MOBP: variants seen among roughly 807,000 people sequenced by gnomAD.
The protein encoded by MOBP is myelin associated oligodendrocyte basic protein, also known as myelin-associated oligodendrocyte basic protein.
In MOBP, 5 loss-of-function variants were observed where a neutral mutation model predicts 15.0. The observed-to-expected ratio is 0.33, with a 90% CI of 0.17 to 0.70. The LOEUF (loss-of-function observed/expected upper bound fraction) is 0.70. Among genes scored for constraint, MOBP ranks in the 30% least tolerant of loss-of-function variants. MOBP has a pLI of 0.67. For synonymous variants in MOBP, 88 were observed against 99.0 expected (o/e 0.89, Z 0.66); for missense variants, 188 against 257.8 (o/e 0.73, Z 1.85).
intron 2 of MOBP, among the ~76,000 whole-genome samples, chr3:39,484,316 G>C (rs1449511149): frequency 6.6e-6 from 1 of 152,228 alleles, no homozygotes; most frequent in African/African-American, 2.4e-5. Context: ...GTGAAGGACA[G>C]AGACCAAACC....
At chr3:39,520,598 G>C (rs1461012320), downstream of MOBP, among the ~76,000 whole-genome samples, 1 of 151,216 alleles carries the variant, frequency 6.6e-6, no homozygotes, top group Non-Finnish European at 1.5e-5. Context: ...GAGAGAGACA[G>C]AGAGAGAGAG....
intron 1 of MOBP, among the ~76,000 whole-genome samples, chr3:39,472,217 A>G (rs1476532542): frequency 6.6e-6 from 1 of 152,262 alleles, no homozygotes; most frequent in Non-Finnish European, 1.5e-5. Flanking sequence ...ATTAACAAAT[A>G]TAAAATATCC....
At chr3:39,476,655 ATG>A (rs1260858847) in intron 1 of MOBP, among the ~76,000 whole-genome samples, 2 of 152,036 alleles carry the variant, frequency 1.3e-5, no homozygotes, top group Non-Finnish European at 2.9e-5. Flanking sequence ...CAGTGTGGTT[ATG>A]TGATTCATTT....
chr3:39,478,128 C>G (rs1482770240), intron 1 of MOBP, among the ~76,000 whole-genome samples: 1 of 152,190 alleles, frequency 6.6e-6, no homozygotes, highest in Non-Finnish European at 1.5e-5. Context: ...TTCACATTTA[C>G]TCACCACTCA....
At chr3:39,469,082 G>GTATATACATATATACATATGTGTGTGTA (rs1559412045) in intron 1 of MOBP, among the ~76,000 whole-genome samples, 1 of 36,814 alleles carries the variant, frequency 2.7e-5, no homozygotes, top group African/African-American at 3.5e-4. Flanking sequence ...ATGTGTGTGT[G>GTATATACATATATACATATGTGTGTGTA]TATATACATA....
downstream of MOBP, chr3:39,517,681 G>A (rs762074005): frequency 6.6e-6 from 1 of 152,108 alleles, no homozygotes; most frequent in Admixed American, 6.5e-5. Context: ...GAGTTTAATT[G>A]ACTGGTATTT....
In MOBP at chr3:39,502,422, GAA is replaced by G. The variant is rs1294808215; in HGVS notation, c.207-112_207-111del. Reference sequence around the variant, plus strand: ...ACCGGAAGGCACTCCAGGGAGACTGGAAGGTGGGTGGGGGAGCAGGGCCTTCC... The same window carrying G: ...ACCGGAAGGCACTCCAGGGAGACTGGGGTGGGTGGGGGAGCAGGGCCTTCC... On this transcript the variant is annotated intron_variant, in intron 3 of 3. Transcript: ENST00000684792. This position sits in a 1 kb window ranked among gnomAD's most constrained non-coding sequence, Gnocchi z 6.3. 8 of 1,523,382 alleles carry G rather than the reference GAA, an allele frequency of 5.3e-6. No homozygotes were observed. The highest frequency in any genetic ancestry group is 7.0e-6 in the Non-Finnish European group (8 of 1,140,022). The allele number at this position is 1,523,382 out of a possible 1,614,324, so 94.4% of individuals were successfully genotyped here. A position where few individuals can be genotyped will look rare whatever the true frequency, so the allele number is the denominator to read the frequency against.
chr3:39,484,973 C>T (rs1254594416), intron 2 of MOBP, among the ~76,000 whole-genome samples: 1 of 152,116 alleles, frequency 6.6e-6, no homozygotes, highest in Non-Finnish European at 1.5e-5. Flanking sequence ...GTTTTGTGTC[C>T]CCACATGGGC....
chr3:39,509,510 A>G (rs1020468275), intron 4 of MOBP, among the ~76,000 whole-genome samples: 1 of 152,176 alleles, frequency 6.6e-6, no homozygotes, highest in Non-Finnish European at 1.5e-5. Context: ...CACTAAAGAC[A>G]CTTATTTGGT....
downstream of MOBP, among the ~76,000 whole-genome samples, chr3:39,504,090 T>C (rs1340551161): frequency 6.6e-6 from 1 of 152,174 alleles, no homozygotes; most frequent in African/African-American, 2.4e-5. Context: ...TGGAGAGTGA[T>C]AAATTTATGG....
chr3:39,503,279 C>A (rs2043003433), downstream of MOBP, among the ~76,000 whole-genome samples: 1 of 152,038 alleles, frequency 6.6e-6, no homozygotes, highest in African/African-American at 2.4e-5. Context: ...CATCTCCCAA[C>A]ACACTTCATC....
chr3:39,483,634 C>CT (rs1371848641), intron 2 of MOBP, among the ~76,000 whole-genome samples: 1 of 152,186 alleles, frequency 6.6e-6, no homozygotes, highest in Admixed American at 6.5e-5. Flanking sequence ...GATTGGTTGT[C>CT]TTCCCCATCA....
intron 1 of MOBP, among the ~76,000 whole-genome samples, chr3:39,471,956 G>T (rs1364369948): frequency 6.6e-6 from 1 of 152,228 alleles, no homozygotes; most frequent in Non-Finnish European, 1.5e-5. Context: ...AGGGCTTCTG[G>T]TGTCTTCAAG....
intron 2 of MOBP, among the ~76,000 whole-genome samples, chr3:39,492,007 C>T (rs916979149): frequency 2.6e-5 from 4 of 152,192 alleles, no homozygotes; most frequent in Non-Finnish European, 5.9e-5. Flanking sequence ...CAGCCTCATC[C>T]AGCATGACTA....
intron 2 of MOBP, among the ~76,000 whole-genome samples, chr3:39,481,551 C>T (rs1227124163): frequency 6.6e-6 from 1 of 152,166 alleles, no homozygotes; most frequent in East Asian, 1.9e-4. Context: ...CTCATTACTA[C>T]AAACAGCTCA....
chr3:39,501,967 T>C (rs188492245), intron 2 of MOBP, 99 bp from the exon 3 acceptor site: 5 of 999,544 alleles, frequency 5.0e-6, no homozygotes, highest in South Asian at 4.4e-5. Context: ...GAATGTTACC[T>C]TGGATTATGG....
At chr3:39,490,763 A>G (rs939776547) in intron 2 of MOBP, among the ~76,000 whole-genome samples, 1 of 152,140 alleles carries the variant, frequency 6.6e-6, no homozygotes, top group African/African-American at 2.4e-5. Context: ...AGGTTTCACC[A>G]TGTTGGCCAG....
intron 2 of MOBP, among the ~76,000 whole-genome samples, chr3:39,491,439 T>C (rs1355972141): frequency 6.6e-6 from 1 of 152,234 alleles, no homozygotes; most frequent in Admixed American, 6.5e-5. Context: ...AGTGCCTGAC[T>C]TACAGTGAGC....
At chr3:39,512,855 C>T (rs2043137029) in intron 4 of MOBP, among the ~76,000 whole-genome samples, 1 of 152,176 alleles carries the variant, frequency 6.6e-6, no homozygotes, top group Admixed American at 6.5e-5. Flanking sequence ...GTTGGGTAAG[C>T]TTGCAGGCAA....
Sources: allele counts gnomAD v4.1 joint callset (sites outside exome capture counted in the v4.1 genomes callset), GRCh38; gene constraint gnomAD v4.1.1; non-coding constraint Gnocchi (gnomAD v3.1); transcripts MANE v1.5; gene names NCBI Gene and HGNC (gene_info 2026-07-23, HGNC 2026-07-21).